FAM171A1: variants seen among roughly 807,000 people sequenced by gnomAD.
FAM171A1 encodes protein FAM171A1.
A neutral mutation model predicts 74.9 loss-of-function variants in FAM171A1; 23 were observed. The ratio of observed to expected loss-of-function variants is 0.31; its 90% CI spans 0.22 to 0.44. The LOEUF (loss-of-function observed/expected upper bound fraction) is 0.44. Ranked by LOEUF, FAM171A1 falls within the 20% of genes least tolerant of loss-of-function variation. FAM171A1 has a pLI of 1.00. For synonymous variants in FAM171A1, 527 were observed against 505.7 expected (o/e 1.04, Z -0.57); for missense variants, 1,162 against 1,159.2 (o/e 1.00, Z -0.03).
intron 5 of FAM171A1, chr10:15,240,764 T>C (rs1277413419): frequency 1.0e-6 from 1 of 984,378 alleles, no homozygotes; most frequent in Non-Finnish European, 1.2e-6. Flanking sequence ...TGAGGCAGGG[T>C]GGTGGCTCAC....
intron 1 of FAM171A1, among the ~76,000 whole-genome samples, chr10:15,311,880 C>T (rs1247555364): frequency 6.6e-6 from 1 of 152,216 alleles, no homozygotes; most frequent in Non-Finnish European, 1.5e-5. Flanking sequence ...AAAATGATGC[C>T]TAGACAGTGC....
intron 5 of FAM171A1, among the ~76,000 whole-genome samples, chr10:15,235,648 C>T (rs1437154043): frequency 6.6e-6 from 1 of 152,158 alleles, no homozygotes; most frequent in African/African-American, 2.4e-5. Context: ...ACAGTGTGTT[C>T]ATAAATGCAG....
intron 1 of FAM171A1, among the ~76,000 whole-genome samples, chr10:15,312,251 G>A (rs554181964): frequency 1.2e-3 from 178 of 152,294 alleles, no homozygotes; most frequent in African/African-American, 4.2e-3. Flanking sequence ...AAGAAAATAT[G>A]CTTCATAAAC....
intron 1 of FAM171A1, among the ~76,000 whole-genome samples, chr10:15,356,246 A>AT (rs1491095651): frequency 1.2e-4 from 18 of 149,874 alleles, no homozygotes; most frequent in African/African-American, 3.7e-4. Context: ...ACATACATAC[A>AT]TATATATATA....
chr10:15,365,814 A>G (rs1836054140), intron 1 of FAM171A1, among the ~76,000 whole-genome samples: 1 of 152,098 alleles, frequency 6.6e-6, no homozygotes, highest in Admixed American at 6.6e-5. Context: ...AAAGAAAGAA[A>G]GATGAGCAAA....
intron 1 of FAM171A1, among the ~76,000 whole-genome samples, chr10:15,296,732 C>T (rs189945126): frequency 8.3e-4 from 126 of 152,314 alleles, no homozygotes; most frequent in African/African-American, 2.6e-3. Context: ...AGAATCCCCA[C>T]CTATGTGGGG....
At chr10:15,280,105 C>T (rs924836208) in intron 2 of FAM171A1, among the ~76,000 whole-genome samples, 1 of 151,670 alleles carries the variant, frequency 6.6e-6, no homozygotes, top group East Asian at 1.9e-4. Flanking sequence ...GAAAAAAACC[C>T]AAAAAATTTG....
At chr10:15,287,290 C>CA (rs1045572561) in intron 1 of FAM171A1, among the ~76,000 whole-genome samples, 12 of 151,748 alleles carry the variant, frequency 7.9e-5, no homozygotes, top group African/African-American at 2.9e-4. Context: ...GACAGGGTTT[C>CA]ACCGTGTTAG....
Position 15,212,860 on chromosome 10 carries a change from T to C in FAM171A1, c.*55A>G. ...CTCCACGAACGGGTACGCGCTTCCATGAGAAAGGATATTTGGCAATTTTAT... is the reference window on the plus strand; with the variant it reads ...CTCCACGAACGGGTACGCGCTTCCACGAGAAAGGATATTTGGCAATTTTAT... On this transcript the variant is annotated 3_prime_UTR_variant, in exon 8 of 8. Coordinates refer to ENST00000378116, the MANE Select transcript of FAM171A1 (RefSeq NM_001010924.2). 2 of 1,597,220 alleles carry C rather than the reference T, an allele frequency of 1.3e-6. No individual in the cohort carries two copies. Among genetic ancestry groups the C allele is most frequent in the Non-Finnish European group, 1.7e-6 (2 of 1,173,298 alleles).
At chr10:15,320,972 G>T (rs1465608547) in intron 1 of FAM171A1, among the ~76,000 whole-genome samples, 1 of 152,110 alleles carries the variant, frequency 6.6e-6, no homozygotes, top group African/African-American at 2.4e-5. Flanking sequence ...AGTTTAATGG[G>T]GATGTAACAC....
At position 15,272,310 on chromosome 10, in the gene FAM171A1, T is replaced by C. The variant is rs545972408; in HGVS notation, c.418+3545A>G. ...AGAGACAAAGAAGGCCATTACATAATGGTAAAGGGATCAATTCAACAAGAA... is the reference window on the plus strand; with the variant it reads ...AGAGACAAAGAAGGCCATTACATAACGGTAAAGGGATCAATTCAACAAGAA... On this transcript the variant is annotated intron_variant, in intron 3 of 7. Coordinates refer to ENST00000378116, the MANE Select transcript of FAM171A1 (RefSeq NM_001010924.2). 9.2e-5 allele frequency among the ~76,000 whole-genome samples: 14 copies of C among 152,200 alleles called. No homozygotes were observed. In the East Asian group the frequency reaches 2.5e-3, roughly 27 times the overall value.
At chr10:15,366,350 C>T (rs1028915160) in intron 1 of FAM171A1, among the ~76,000 whole-genome samples, 2 of 152,154 alleles carry the variant, frequency 1.3e-5, no homozygotes, top group Non-Finnish European at 2.9e-5. Flanking sequence ...GAACTTCTGA[C>T]CTCAAGCGAT....
In FAM171A1 at chr10:15,212,558, A is replaced by C; in HGVS notation, c.*357T>G. On this transcript the variant is annotated 3_prime_UTR_variant, in exon 8 of 8. Coordinates refer to ENST00000378116, the MANE Select transcript of FAM171A1 (RefSeq NM_001010924.2). ...TAAAAATGACTCAAGCGATGCAAAAAGTTTCATCTGTTCCCAGAATCCGAG... is the reference window on the plus strand; with the variant it reads ...TAAAAATGACTCAAGCGATGCAAAACGTTTCATCTGTTCCCAGAATCCGAG... The C allele has an allele frequency of 3.9e-6, 1 of 258,832 alleles. No individual in the cohort carries two copies. 16.0% of individuals were successfully genotyped at this position (258,832 alleles called of 1,614,324 possible).
intron 1 of FAM171A1, among the ~76,000 whole-genome samples, chr10:15,293,058 T>C (rs1043132813): frequency 1.3e-5 from 2 of 152,240 alleles, no homozygotes; most frequent in African/African-American, 4.8e-5. Flanking sequence ...TGCTCATAAC[T>C]CATATGTTTA....
chr10:15,262,515 A>C (rs1040568715), intron 3 of FAM171A1, among the ~76,000 whole-genome samples: 1 of 152,074 alleles, frequency 6.6e-6, no homozygotes, highest in Non-Finnish European at 1.5e-5. Context: ...GCTGCGGGGA[A>C]GTTAGGAAGA....
chr10:15,345,032 A>G (rs1450269182), intron 1 of FAM171A1, among the ~76,000 whole-genome samples: 1 of 152,256 alleles, frequency 6.6e-6, no homozygotes, highest in Non-Finnish European at 1.5e-5. Context: ...TACACGCACA[A>G]AACTTCAGCT....
intron 1 of FAM171A1, among the ~76,000 whole-genome samples, chr10:15,365,388 C>T (rs768722224): frequency 1.8e-4 from 28 of 152,190 alleles, no homozygotes; most frequent in Non-Finnish European, 3.7e-4. Context: ...ATGACATCAA[C>T]TAAAGATGCG....
intron 1 of FAM171A1, among the ~76,000 whole-genome samples, chr10:15,294,924 T>C (rs912932398): frequency 1.3e-5 from 2 of 152,044 alleles, no homozygotes; most frequent in Non-Finnish European, 2.9e-5. Context: ...TTGTTTTGTT[T>C]TGTTTTTTGA....
intron 1 of FAM171A1, among the ~76,000 whole-genome samples, chr10:15,306,299 A>C (rs1314748638): frequency 1.3e-5 from 2 of 152,198 alleles, no homozygotes; most frequent in African/African-American, 4.8e-5. Context: ...AATTGTGCAG[A>C]GGAAAAAATG....
Sources: gnomAD v4.1 joint callset for allele counts (sites outside exome capture counted in the v4.1 genomes callset) on GRCh38, gnomAD v4.1.1 for gene constraint, MANE v1.5 for transcripts, NCBI Gene and HGNC (gene_info 2026-07-23, HGNC 2026-07-21) for gene names.